The following USP40 variants were observed in gnomAD, a reference collection of about 807,000 sequenced individuals.
The protein encoded by USP40 is ubiquitin specific peptidase 40.
In USP40, 143 loss-of-function variants were observed where a neutral mutation model predicts 166.2. The ratio of observed to expected loss-of-function variants is 0.86; its 90% CI spans 0.75 to 0.99. The LOEUF is 0.99. USP40 is among the 50% of genes least tolerant of loss of function. The probability of loss-of-function intolerance (pLI) is 0.00; values close to 1 mark genes in which losing one functional copy is unlikely to be tolerated. For synonymous variants in USP40, 498 were observed against 524.0 expected (o/e 0.95, Z 0.68); for missense variants, 1,444 against 1,479.7 (o/e 0.98, Z 0.40).
At chr2:233,500,459 AG>A (rs1232760844) in intron 21 of USP40, among the ~76,000 whole-genome samples, 1 of 152,248 alleles carries the variant, frequency 6.6e-6, no homozygotes, top group African/African-American at 2.4e-5. Flanking sequence ...AAACAAAAAT[AG>A]TAATTAAAAC....
chr2:233,526,031 T>A (rs1405530762), intron 13 of USP40, among the ~76,000 whole-genome samples: 2 of 152,214 alleles, frequency 1.3e-5, no homozygotes, highest in Non-Finnish European at 2.9e-5. Context: ...ACCAGTTTAC[T>A]TAATAGATTA....
intron 8 of USP40, among the ~76,000 whole-genome samples, chr2:233,544,367 T>C (rs970029124): frequency 3.9e-5 from 6 of 152,148 alleles, no homozygotes; most frequent in Non-Finnish European, 8.8e-5. Flanking sequence ...AACCTAATTT[T>C]TCAAGAGGTT....
intron 25 of USP40, among the ~76,000 whole-genome samples, chr2:233,492,398 T>C (rs888742686): frequency 1.3e-5 from 2 of 152,232 alleles, no homozygotes; most frequent in Non-Finnish European, 2.9e-5. Context: ...CATGAGTGCA[T>C]TTCCCATGTG....
At chr2:233,555,009 G>A (rs1362106158) in intron 5 of USP40, among the ~76,000 whole-genome samples, 1 of 152,156 alleles carries the variant, frequency 6.6e-6, no homozygotes, top group Non-Finnish European at 1.5e-5. Context: ...GGCCAATATG[G>A]TGAAACCCTA....
At chr2:233,547,655 TG>T (rs1157229427) in intron 8 of USP40, among the ~76,000 whole-genome samples, 1 of 152,224 alleles carries the variant, frequency 6.6e-6, no homozygotes, top group Non-Finnish European at 1.5e-5. Context: ...TATAATTTCT[TG>T]GGAACTAGAC....
intron 8 of USP40, among the ~76,000 whole-genome samples, chr2:233,543,213 G>A (rs535749928): frequency 6.6e-6 from 1 of 152,266 alleles, no homozygotes; most frequent in East Asian, 1.9e-4. Context: ...CAGAAATACA[G>A]ATAGTCCTAA....
intron 1 of USP40, among the ~76,000 whole-genome samples, chr2:233,566,300 G>A (rs1465997926): frequency 2.0e-5 from 3 of 152,132 alleles, no homozygotes; most frequent in African/African-American, 7.2e-5. Context: ...CGAGTGTGGC[G>A]GAGGGTCACT....
chr2:233,542,463 C>T (rs1443476243), intron 8 of USP40, 100 bp from the exon 9 acceptor site: 1 of 682,198 alleles, frequency 1.5e-6, no homozygotes, highest in African/African-American at 1.8e-5. Flanking sequence ...GTAATCCCAG[C>T]AATTTGGGAG....
intron 20 of USP40, among the ~76,000 whole-genome samples, chr2:233,510,724 C>T (rs770681153): frequency 5.9e-5 from 9 of 152,000 alleles, no homozygotes; most frequent in Non-Finnish European, 1.3e-4. Context: ...ATTTCTTCTA[C>T]TATGATCTCC....
At chr2:233,532,993 G>T (rs2068661475) in intron 11 of USP40, among the ~76,000 whole-genome samples, 1 of 151,268 alleles carries the variant, frequency 6.6e-6, no homozygotes, top group African/African-American at 2.4e-5. Flanking sequence ...TAAAGGAGAA[G>T]ATATGAAAAG....
At chr2:233,501,562 G>A (rs73997637) in intron 21 of USP40, among the ~76,000 whole-genome samples, 4,682 of 152,282 alleles carry the variant, frequency 0.031, 226 homozygotes, top group African/African-American at 0.11. Flanking sequence ...TGAAAAAGAT[G>A]ACAGGTTTGA....
intron 6 of USP40, among the ~76,000 whole-genome samples, chr2:233,552,907 T>C (rs1162067312): frequency 6.6e-6 from 1 of 152,230 alleles, no homozygotes; most frequent in Non-Finnish European, 1.5e-5. Context: ...CGCATAAATA[T>C]GTCTCTTGTG....
chr2:233,496,622 T>C (rs1259204629), intron 24 of USP40, 136 bp downstream of exon 24: 17 of 497,952 alleles, frequency 3.4e-5, no homozygotes, highest in Non-Finnish European at 5.9e-5. Context: ...ATCTGATTGA[T>C]AGCATTTGGG....
At position 233,489,422 on chromosome 2, in the gene USP40, C is replaced by T. The variant is rs779106664; in HGVS notation, c.3074G>A (p.Trp1025Ter). 6.2e-7 allele frequency: 1 copy of T among 1,607,008 alleles called. No individual in the cohort carries two copies. The highest frequency in any genetic ancestry group is 2.2e-5 in the East Asian group (1 of 44,728). ...GCCTGGGCGCTTCCTCTCCACCGTC[C>T]AGGCTCTGAGGTGGGCTGGGGACGG... Reference protein sequence around the residue: ...GVPSPAHLRAWTVERKRPGRL... With the variant: ...GVPSPAHLRA Residue 1025 changes from tryptophan (W) to a stop codon, truncating the protein, a stop_gained, in exon 27 of 32, where the codon TGG becomes TAG. Transcript: ENST00000678225. LOFTEE classifies it high-confidence loss of function.
intron 31 of USP40, 46 bp downstream of exon 31, chr2:233,481,145 AAGAGAGAGTCAG>A (rs1200029805): frequency 3.3e-5 from 48 of 1,467,906 alleles, no homozygotes; most frequent in Non-Finnish European, 4.2e-5. Context: ...AAGCAGGAAT[AAGAGAGAGTCAG>A]AGAGGGCTCT....
chr2:233,526,332 C>A (rs1304274933), intron 13 of USP40, among the ~76,000 whole-genome samples: 1 of 152,150 alleles, frequency 6.6e-6, no homozygotes, highest in Admixed American at 6.5e-5. Context: ...TGAATAAGAT[C>A]CTTTCCATTT....
chr2:233,515,960 C>T (rs2067159449), intron 18 of USP40, among the ~76,000 whole-genome samples: 1 of 152,194 alleles, frequency 6.6e-6, no homozygotes, highest in African/African-American at 2.4e-5. Context: ...ATGAAAATAC[C>T]TTGGCACCTT....
At chr2:233,540,886 C>T (rs919315585) in intron 9 of USP40, 117 bp from the exon 10 acceptor site, 13 of 525,650 alleles carry the variant, frequency 2.5e-5, no homozygotes, top group African/African-American at 1.2e-4. Flanking sequence ...ACAGCAAACA[C>T]GTAAGTTGAT....
At chr2:233,529,193 G>A (rs1026046619) in intron 12 of USP40, among the ~76,000 whole-genome samples, 2 of 152,162 alleles carry the variant, frequency 1.3e-5, no homozygotes, top group African/African-American at 4.8e-5. Context: ...GTTAGGCTTC[G>A]ATCCCTACTT....
Sources: gnomAD v4.1 joint callset for allele counts (sites outside exome capture counted in the v4.1 genomes callset) on GRCh38, gnomAD v4.1.1 for gene constraint, MANE v1.5 for transcripts, NCBI Gene and HGNC (gene_info 2026-07-23, HGNC 2026-07-21) for gene names.